Variants in KIF26B observed in about 807,000 individuals in gnomAD.
The protein encoded by KIF26B is kinesin-like protein KIF26B.
In KIF26B, 63 loss-of-function variants were observed where a neutral mutation model predicts 151.2. That is an observed-to-expected ratio of 0.42 (90% CI 0.34 to 0.51). The LOEUF (loss-of-function observed/expected upper bound fraction) is 0.51. Among genes scored for constraint, KIF26B ranks in the 20% least tolerant of loss-of-function variants. The pLI, the probability that KIF26B is intolerant of heterozygous loss-of-function variation, is 0.07. For missense variants in KIF26B, 2,813 were observed against 2,913.6 expected (o/e 0.97, Z 0.79); for synonymous variants, 1,357 against 1,262.1 (o/e 1.08, Z -1.59).
intron 4 of KIF26B, among the ~76,000 whole-genome samples, chr1:245,498,472 A>G (rs1660554467): frequency 6.6e-6 from 1 of 152,190 alleles, no homozygotes; most frequent in South Asian, 2.1e-4. Flanking sequence ...CTGTTTATCC[A>G]CAGCAACCAG....
intron 2 of KIF26B, among the ~76,000 whole-genome samples, chr1:245,323,097 A>G (rs1487208765): frequency 6.6e-6 from 1 of 152,238 alleles, no homozygotes; most frequent in African/African-American, 2.4e-5. Context: ...TAAAAGCATT[A>G]TGCCATTAAT....
At chr1:245,189,425 A>C (rs1175166751) in intron 2 of KIF26B, among the ~76,000 whole-genome samples, 2 of 152,232 alleles carry the variant, frequency 1.3e-5, no homozygotes, top group Non-Finnish European at 2.9e-5. Context: ...ACAAAACAGC[A>C]AACTGTCATT....
At position 245,285,640 on chromosome 1, in the gene KIF26B, GAA is replaced by G. The variant is rs68008343; in HGVS notation, c.466-81178_466-81177del. ...TCCAGATGAGATATTTCCTAAAATTGAAAAAAAAAAAAAAAAAGGCCAAGTGT... is the reference window on the plus strand; with the variant it reads ...TCCAGATGAGATATTTCCTAAAATTGAAAAAAAAAAAAAAAGGCCAAGTGT... On this transcript the variant is annotated intron_variant, in intron 2 of 14. Transcript: ENST00000407071. 3.4e-3 allele frequency among the ~76,000 whole-genome samples: 442 copies of G among 131,034 alleles called. 1 individual carries two copies. The highest frequency in any genetic ancestry group is 9.7e-3 in the African/African-American group (352 of 36,168). The allele number at this position is 131,034 out of a possible 152,430, so 86.0% of individuals were successfully genotyped here.
At chr1:245,592,777 G>T (rs1459713109) in intron 5 of KIF26B, among the ~76,000 whole-genome samples, 1 of 152,156 alleles carries the variant, frequency 6.6e-6, no homozygotes, top group Non-Finnish European at 1.5e-5. Flanking sequence ...TTTGGGCAAA[G>T]AAATTTAAGC....
At chr1:245,413,810 G>T (rs1368464077) in intron 3 of KIF26B, among the ~76,000 whole-genome samples, 1 of 152,236 alleles carries the variant, frequency 6.6e-6, no homozygotes, top group Non-Finnish European at 1.5e-5. Flanking sequence ...CTGAAGGGGA[G>T]AGTGGAGGGA....
chr1:245,396,450 A>G (rs1673844041), intron 3 of KIF26B, among the ~76,000 whole-genome samples: 1 of 152,158 alleles, frequency 6.6e-6, no homozygotes, highest in Admixed American at 6.5e-5. Context: ...ATTGCAAATT[A>G]TTATAAGAAA....
chr1:245,590,052 C>T (rs2043269671), intron 5 of KIF26B, among the ~76,000 whole-genome samples: 1 of 152,096 alleles, frequency 6.6e-6, no homozygotes. Flanking sequence ...ACAGTCGTAA[C>T]ACATGAGTGA....
At chr1:245,398,735 A>G (rs1673921927) in intron 3 of KIF26B, among the ~76,000 whole-genome samples, 1 of 151,626 alleles carries the variant, frequency 6.6e-6, no homozygotes, top group Admixed American at 6.6e-5. Flanking sequence ...ATAAATTATA[A>G]TTTTTATAAA....
At chr1:245,523,589 T>C (rs1240700741) in intron 4 of KIF26B, among the ~76,000 whole-genome samples, 1 of 152,208 alleles carries the variant, frequency 6.6e-6, no homozygotes, top group African/African-American at 2.4e-5. Context: ...CCACTCTGGT[T>C]CACAGATGGT....
intron 5 of KIF26B, among the ~76,000 whole-genome samples, chr1:245,571,032 T>C (rs2043062212): frequency 6.6e-6 from 1 of 152,222 alleles, no homozygotes. Flanking sequence ...ATCCATGTGT[T>C]CATCATGGGA....
chr1:245,458,063 A>G (rs887976770), intron 4 of KIF26B, among the ~76,000 whole-genome samples: 1 of 152,228 alleles, frequency 6.6e-6, no homozygotes, highest in African/African-American at 2.4e-5. Flanking sequence ...AGTGCTTCCT[A>G]TGGGCCAGGA....
At chr1:245,417,553 G>C (rs543923393) in intron 3 of KIF26B, among the ~76,000 whole-genome samples, 6 of 152,098 alleles carry the variant, frequency 3.9e-5, no homozygotes, top group African/African-American at 1.5e-4. Context: ...TTATAGGCTT[G>C]GGAATTTGGT....
chr1:245,588,898 G>T (rs1255371536), intron 5 of KIF26B, among the ~76,000 whole-genome samples: 1 of 152,164 alleles, frequency 6.6e-6, no homozygotes, highest in Non-Finnish European at 1.5e-5. Context: ...GGACGTTCTT[G>T]CTCTTACTTA....
chr1:245,580,463 A>AGAGTGCTATGAC lies in KIF26B; in HGVS notation c.1351-22114_1351-22113insGAGTGCTATGAC, dbSNP rs1179689944. On this transcript the variant is annotated intron_variant, in intron 5 of 14. Transcript: ENST00000407071. ...GTAGAAAATGAAAAGGGCTAATTAG[A>AGAGTGCTATGAC]TAGACCAGGGCTAGTCATAGCAGAG... Among the ~76,000 whole-genome samples, 3 of 152,242 alleles carry AGAGTGCTATGAC rather than the reference A, an allele frequency of 2.0e-5. No homozygotes were observed. In the East Asian group the frequency reaches 5.8e-4, roughly 29 times the overall value.
At chr1:245,337,578 G>A (rs1205123782) in intron 2 of KIF26B, among the ~76,000 whole-genome samples, 7 of 151,146 alleles carry the variant, frequency 4.6e-5, no homozygotes, top group Non-Finnish European at 7.4e-5. Context: ...GAGTATATGT[G>A]TTTTGGTTTT....
rs1445533421 is a variant in KIF26B at position 245,512,342 on chromosome 1, G to A, written c.1167-28425G>A. ...TTGGAACATCATGAAAGACTCTTCT[G>A]CAGATTTCCTTTTAACATACCCTGC... On this transcript the variant is annotated intron_variant, in intron 4 of 14. Coordinates refer to ENST00000407071, the MANE Select transcript of KIF26B (RefSeq NM_018012.4). This position sits in a 1 kb window ranked among gnomAD's most constrained non-coding sequence, Gnocchi z 4.3. Among the ~76,000 whole-genome samples the A allele has an allele frequency of 2.0e-5, 3 of 152,144 alleles. No individual in the cohort carries two copies. Among genetic ancestry groups the A allele is most frequent in the South Asian group, 4.1e-4 (2 of 4,826 alleles).
intron 4 of KIF26B, among the ~76,000 whole-genome samples, chr1:245,526,820 G>A (rs145441402): frequency 3.3e-5 from 5 of 152,268 alleles, no homozygotes; most frequent in East Asian, 1.9e-4. Context: ...TTTCATGTCC[G>A]TTTTTAATTT....
intron 2 of KIF26B, among the ~76,000 whole-genome samples, chr1:245,278,600 G>A (rs1304540856): frequency 6.6e-6 from 1 of 152,172 alleles, no homozygotes; most frequent in Non-Finnish European, 1.5e-5. Context: ...TAATTTGTTA[G>A]AAGGAAAGAT....
chr1:245,687,903 G>T lies in KIF26B; in HGVS notation c.4920G>T (p.Glu1640Asp). 6.3e-7 allele frequency: 1 copy of T among 1,591,850 alleles called. No individual in the cohort carries two copies. The highest frequency in any genetic ancestry group is 8.5e-7 in the Non-Finnish European group (1 of 1,171,090). ...PAAFPAGLPD[E>D]PSGKTKDASS... ...CCTTCCCGGCGGGCCTCCCAGACGA[G>T]CCTAGCGGCAAGACGAAGGACGCCA... The change falls in exon 12 of 15, where the codon GAG becomes GAT. Residue 1640 changes from glutamate (E) to aspartate (D), a missense_variant. Around this residue, in one of 3 missense-constraint regions of KIF26B, gnomAD observed 2,060 missense variants for 2,088.6 expected, o/e 0.99. Transcript: ENST00000407071. The surrounding 1 kb of genome is among the most constrained non-coding windows in gnomAD (Gnocchi z 4.9).
Sources: gnomAD v4.1 joint callset for allele counts (sites outside exome capture counted in the v4.1 genomes callset) on GRCh38, gnomAD v4.1.1 for gene constraint, gnomAD v4.1.1 regional missense constraint, Gnocchi (gnomAD v3.1) non-coding constraint, MANE v1.5 for transcripts, NCBI Gene and HGNC (gene_info 2026-07-23, HGNC 2026-07-21) for gene names.